Variants in GRID1 observed in about 807,000 individuals in gnomAD.
The protein encoded by GRID1 is glutamate ionotropic receptor delta type subunit 1, also known as glutamate receptor ionotropic, delta-1.
A neutral mutation model predicts 98.0 loss-of-function variants in GRID1; 28 were observed. The observed-to-expected ratio is 0.29, with a 90% CI of 0.21 to 0.39. The LOEUF is 0.39. GRID1 is among the 10% of genes least tolerant of loss of function. The pLI, the probability that GRID1 is intolerant of heterozygous loss-of-function variation, is 1.00. For synonymous variants in GRID1, 553 were observed against 538.5 expected, an observed-to-expected ratio of 1.03 and a Z score of -0.37; for missense variants, 1,111 against 1,340.5, an observed-to-expected ratio of 0.83 and a Z score of 2.67.
chr10:86,087,188 C>T (rs1159516929), intron 4 of GRID1, among the ~76,000 whole-genome samples: 1 of 152,126 alleles, frequency 6.6e-6, no homozygotes. Flanking sequence ...TCCATCCTGC[C>T]TCTATGCTCA....
chr10:85,832,488 TGA>T (rs1205323020), intron 8 of GRID1, among the ~76,000 whole-genome samples: 1 of 152,202 alleles, frequency 6.6e-6, no homozygotes, highest in Non-Finnish European at 1.5e-5. Context: ...AAGCATAATT[TGA>T]GCAATGAAAA....
At chr10:86,096,857 C>G (rs1288332790) in intron 4 of GRID1, among the ~76,000 whole-genome samples, 1 of 152,184 alleles carries the variant, frequency 6.6e-6, no homozygotes, top group Non-Finnish European at 1.5e-5. Context: ...GGTACTGTTT[C>G]TTCCGTAGCC....
chr10:85,604,795 T>C (rs1034582536), intron 15 of GRID1, among the ~76,000 whole-genome samples: 3 of 152,360 alleles, frequency 2.0e-5, no homozygotes, highest in Middle Eastern at 3.4e-3. Flanking sequence ...GTAAGACTAC[T>C]TTAGGAATAT....
intron 7 of GRID1, among the ~76,000 whole-genome samples, chr10:85,854,854 C>A (rs1158079413): frequency 1.3e-5 from 2 of 152,170 alleles, no homozygotes; most frequent in African/African-American, 4.8e-5. Flanking sequence ...TCATTCATAC[C>A]ATCTATATGC....
At chr10:85,712,558 T>C (rs1307928615) in intron 12 of GRID1, among the ~76,000 whole-genome samples, 1 of 151,742 alleles carries the variant, frequency 6.6e-6, no homozygotes, top group African/African-American at 2.4e-5. Flanking sequence ...TGCACAACAA[T>C]ATAGACCAGA....
In GRID1 at chr10:86,365,575, C is replaced by T. The variant is rs1811972889; in HGVS notation, c.79+739G>A. 6.7e-6 allele frequency among the ~76,000 whole-genome samples: 1 copy of T among 149,142 alleles called. No individual in the cohort carries two copies. The highest frequency in any genetic ancestry group is 1.5e-5 in the Non-Finnish European group (1 of 67,040). On this transcript the variant is annotated intron_variant, in intron 1 of 15. Transcript: ENST00000327946. The surrounding 1 kb of genome is among the most constrained non-coding windows in gnomAD (Gnocchi z 4.8). ...CCCCCGCTGCCCACGCTTCTTCCCT[C>T]GGCTCCCACCACCCAGACCGTCTGG... is the stretch of plus-strand genomic sequence containing the variant.
chr10:86,188,130 C>T (rs530330233), intron 3 of GRID1, among the ~76,000 whole-genome samples: 76 of 152,312 alleles, frequency 5.0e-4, no homozygotes, highest in African/African-American at 1.4e-3. Flanking sequence ...GTGTATGGCT[C>T]CTACATGGAC....
chr10:85,986,341 G>A (rs1842608358), intron 4 of GRID1, among the ~76,000 whole-genome samples: 1 of 152,198 alleles, frequency 6.6e-6, no homozygotes, highest in Non-Finnish European at 1.5e-5. Flanking sequence ...AGATGCCCTG[G>A]GAGAGCCCTT....
intron 8 of GRID1, among the ~76,000 whole-genome samples, chr10:85,789,086 C>T (rs1380061785): frequency 4.6e-5 from 7 of 152,124 alleles, no homozygotes; most frequent in African/African-American, 1.4e-4. Flanking sequence ...AAATCCTTTT[C>T]GGGAAGGAGG....
intron 2 of GRID1, among the ~76,000 whole-genome samples, chr10:86,269,402 C>A (rs1847151730): frequency 6.6e-6 from 1 of 152,218 alleles, no homozygotes; most frequent in Admixed American, 6.5e-5. Flanking sequence ...TGTGGCCTCA[C>A]TGAGGCCAAT....
intron 8 of GRID1, among the ~76,000 whole-genome samples, chr10:85,755,932 G>A (rs558779820): frequency 4.7e-4 from 72 of 152,160 alleles, no homozygotes; most frequent in Non-Finnish European, 9.3e-4. Context: ...CCTGCCATGC[G>A]CTGGACGCCA....
intron 2 of GRID1, 63 bp downstream of exon 2, chr10:86,363,878 G>A (rs1262036687): frequency 1.4e-6 from 2 of 1,414,994 alleles, no homozygotes; most frequent in Admixed American, 1.7e-5. Flanking sequence ...CCCCTCCGGT[G>A]CCCACTGCTG....
intron 2 of GRID1, among the ~76,000 whole-genome samples, chr10:86,235,580 C>T (rs1846525276): frequency 6.6e-6 from 1 of 152,210 alleles, no homozygotes; most frequent in African/African-American, 2.4e-5. Context: ...GCCAGCTACT[C>T]ATCTGGTTTC....
At chr10:85,830,507 C>T (rs548328041) in intron 8 of GRID1, among the ~76,000 whole-genome samples, 1 of 150,728 alleles carries the variant, frequency 6.6e-6, no homozygotes, top group Non-Finnish European at 1.5e-5. Flanking sequence ...AAACTATCAA[C>T]AGAGTAAACA....
At chr10:85,913,253 T>C (rs1233764109) in intron 5 of GRID1, among the ~76,000 whole-genome samples, 2 of 152,202 alleles carry the variant, frequency 1.3e-5, no homozygotes, top group African/African-American at 2.4e-5. Context: ...TATAGATCTT[T>C]GCCAAGGCCA....
At chr10:85,824,855 G>T (rs1339778796) in intron 8 of GRID1, among the ~76,000 whole-genome samples, 1 of 152,148 alleles carries the variant, frequency 6.6e-6, no homozygotes, top group African/African-American at 2.4e-5. Context: ...CAGATCCATT[G>T]AAGTTGCTGC....
chr10:85,720,687 A>C (rs927988078), intron 12 of GRID1, among the ~76,000 whole-genome samples: 1 of 151,862 alleles, frequency 6.6e-6, no homozygotes, highest in Non-Finnish European at 1.5e-5. Context: ...AAAAAACCCC[A>C]AAACTCTCAA....
chr10:85,974,463 C>A (rs1330904932), intron 4 of GRID1, among the ~76,000 whole-genome samples: 2 of 152,146 alleles, frequency 1.3e-5, no homozygotes, highest in East Asian at 1.9e-4. Flanking sequence ...TAATTATAGA[C>A]CAAATGCTGC....
Position 86,332,518 on chromosome 10 carries a change from T to C in GRID1, c.235+31423A>G, listed in dbSNP as rs755989919. ...GCCTGGCCTGACTCCTTTCCCTGCC[T>C]TCCCCAGGTGAAGATCCCAATGTCA... On this transcript the variant is annotated intron_variant, in intron 2 of 15. Transcript: ENST00000327946. Among the ~76,000 whole-genome samples, 118 of 152,138 alleles carry C rather than the reference T, an allele frequency of 7.8e-4. 1 individual carries two copies. Among genetic ancestry groups the C allele is most frequent in the Admixed American group, 1.4e-3 (22 of 15,286 alleles).
Sources: allele counts gnomAD v4.1 joint callset (sites outside exome capture counted in the v4.1 genomes callset), GRCh38; gene constraint gnomAD v4.1.1; non-coding constraint Gnocchi (gnomAD v3.1); transcripts MANE v1.5; gene names NCBI Gene and HGNC (gene_info 2026-07-23, HGNC 2026-07-21).